Variants in AOPEP observed in about 807,000 individuals in gnomAD.
The protein encoded by AOPEP is aminopeptidase O.
A neutral mutation model predicts 98.1 loss-of-function variants in AOPEP; 77 were observed. The observed-to-expected ratio is 0.78, with a 90% CI of 0.65 to 0.95. AOPEP has a LOEUF of 0.95. AOPEP is among the 40% of genes least tolerant of loss of function. The pLI, the probability that AOPEP is intolerant of heterozygous loss-of-function variation, is 0.00. For missense variants in AOPEP, 1,024 were observed against 1,024.7 expected, an observed-to-expected ratio of 1.00 and a Z score of 0.01; for synonymous variants, 346 against 365.3, an observed-to-expected ratio of 0.95 and a Z score of 0.60.
At chr9:95,011,934 A>C (rs2062558166) in intron 13 of AOPEP, among the ~76,000 whole-genome samples, 1 of 152,234 alleles carries the variant, frequency 6.6e-6, no homozygotes, top group African/African-American at 2.4e-5. Flanking sequence ...CCACTTACCC[A>C]CATACACTTA....
At chr9:94,960,223 A>G (rs901898499) in intron 9 of AOPEP, among the ~76,000 whole-genome samples, 1 of 152,094 alleles carries the variant, frequency 6.6e-6, no homozygotes, top group African/African-American at 2.4e-5. Context: ...CAGCCTGGCT[A>G]ACATGGTGAA....
chr9:94,935,321 C>T (rs1330079126), intron 7 of AOPEP: 1 of 152,278 alleles, frequency 6.6e-6, no homozygotes, highest in Non-Finnish European at 1.5e-5. Context: ...ACCTGCAGAA[C>T]CGTGAGCCAA....
chr9:95,063,733 T>C (rs149016436), intron 14 of AOPEP, among the ~76,000 whole-genome samples: 5 of 152,310 alleles, frequency 3.3e-5, no homozygotes, highest in Non-Finnish European at 7.4e-5. Context: ...GGAAGAGGAC[T>C]CCGAGATTGG....
intron 2 of AOPEP, among the ~76,000 whole-genome samples, chr9:94,772,497 A>G (rs2132841301): frequency 6.6e-6 from 1 of 152,232 alleles, no homozygotes; most frequent in African/African-American, 2.4e-5. Flanking sequence ...GGATTCCCAC[A>G]AGGGTTCTAT....
At chr9:94,903,630 A>T (rs1478140200) in intron 5 of AOPEP, among the ~76,000 whole-genome samples, 1 of 151,330 alleles carries the variant, frequency 6.6e-6, no homozygotes, top group African/African-American at 2.4e-5. Context: ...CTCTAAAAAA[A>T]AAAAAAAAAC....
At chr9:95,116,586 AAGGCCCC>A in the AOPEP span, among the ~76,000 whole-genome samples, 1 of 152,184 alleles carries the variant, frequency 6.6e-6, no homozygotes, top group East Asian at 1.9e-4. Context: ...ATGCTCCAAT[AAGGCCCC>A]TTTCTGGCTG....
chr9:94,933,082 A>T (rs1419141697), intron 7 of AOPEP: 1 of 985,362 alleles, frequency 1.0e-6, no homozygotes, highest in African/African-American at 1.7e-5. Context: ...CCTGGGCAGA[A>T]CTCTTCCCCA....
Position 94,785,044 on chromosome 9 carries a change from C to T in AOPEP, c.965-7721C>T, listed in dbSNP as rs62578965. On this transcript the variant is annotated intron_variant, in intron 3 of 16. Coordinates refer to ENST00000375315, the MANE Select transcript of AOPEP (RefSeq NM_001193329.3). ...CGCCTCCCGGGGTTCAAGTGATTCT[C>T]CAGCCTCAGCCTCCTGAGTAGCTGG... 1.2e-3 allele frequency among the ~76,000 whole-genome samples: 186 copies of T among 152,360 alleles called. No homozygotes were observed. In the Middle Eastern group the frequency reaches 0.014, roughly 11 times the overall value.
chr9:95,038,785 A>G (rs2065042940), intron 13 of AOPEP, among the ~76,000 whole-genome samples: 2 of 152,200 alleles, frequency 1.3e-5, no homozygotes, highest in South Asian at 4.1e-4. Context: ...CGGTAAGTCC[A>G]GGTTACTTCT....
intron 5 of AOPEP, among the ~76,000 whole-genome samples, chr9:94,829,909 A>G (rs1407728905): frequency 1.3e-5 from 2 of 152,196 alleles, no homozygotes; most frequent in African/African-American, 2.4e-5. Context: ...ACACAATGAC[A>G]TATTCACACC....
the AOPEP span, chr9:95,123,827 C>A: frequency 1.5e-6 from 1 of 669,628 alleles, no homozygotes; most frequent in Non-Finnish European, 2.8e-6. Flanking sequence ...CCAATTTAGA[C>A]CTGCGGATGC....
chr9:94,732,433 A>G (rs746728898), intron 1 of AOPEP, among the ~76,000 whole-genome samples: 10 of 152,208 alleles, frequency 6.6e-5, no homozygotes, highest in Non-Finnish European at 1.5e-4. Context: ...AGTAGGTGGC[A>G]TTAAAAGCCT....
At chr9:95,042,574 T>G (rs1425085030) in intron 13 of AOPEP, among the ~76,000 whole-genome samples, 1 of 152,166 alleles carries the variant, frequency 6.6e-6, no homozygotes, top group African/African-American at 2.4e-5. Flanking sequence ...TGTCAGGGTG[T>G]CCGCAGCACT....
intron 5 of AOPEP, among the ~76,000 whole-genome samples, chr9:94,891,893 G>T (rs1387690674): frequency 6.6e-6 from 1 of 152,152 alleles, no homozygotes; most frequent in African/African-American, 2.4e-5. Context: ...TTTAAAGGTG[G>T]GTCTGCTAGC....
intron 14 of AOPEP, among the ~76,000 whole-genome samples, chr9:95,078,104 C>T (rs1035095916): frequency 6.6e-6 from 1 of 151,988 alleles, no homozygotes; most frequent in African/African-American, 2.4e-5. Context: ...ATGCTGTTAG[C>T]CTCCAGGGGT....
At chr9:94,917,971 G>T (rs80269264) in intron 5 of AOPEP, among the ~76,000 whole-genome samples, 2,416 of 151,536 alleles carry the variant, frequency 0.016, 66 homozygotes, top group African/African-American at 0.055. Flanking sequence ...TCTTTTTATC[G>T]GTTTCCCCAT....
intron 13 of AOPEP, among the ~76,000 whole-genome samples, chr9:95,013,602 TTCA>T (rs1175986780): frequency 2.0e-5 from 3 of 152,204 alleles, no homozygotes; most frequent in Admixed American, 6.5e-5. Flanking sequence ...ATATTTAATG[TTCA>T]TCATCTGCTT....
chr9:94,803,964 A>G (rs1272235109), intron 5 of AOPEP, among the ~76,000 whole-genome samples: 2 of 152,186 alleles, frequency 1.3e-5, no homozygotes, highest in Non-Finnish European at 2.9e-5. Flanking sequence ...GACTACTATG[A>G]TGTCTGTATG....
chr9:95,040,409 G>T (rs1197589443), intron 13 of AOPEP, among the ~76,000 whole-genome samples: 4 of 152,260 alleles, frequency 2.6e-5, no homozygotes. Context: ...TAAAGTGGAT[G>T]ATCAGACACA....
Sources: allele counts gnomAD v4.1 joint callset (sites outside exome capture counted in the v4.1 genomes callset), GRCh38; gene constraint gnomAD v4.1.1; transcripts MANE v1.5; gene names NCBI Gene and HGNC (gene_info 2026-07-23, HGNC 2026-07-21).